The following BBS4 variants were observed in gnomAD, a reference collection of about 807,000 sequenced individuals.
BBS4 encodes BBSome complex member BBS4.
Under a neutral mutation model 71.4 loss-of-function variants are expected in BBS4, and 58 were observed. The observed-to-expected ratio is 0.81, with a 90% CI of 0.66 to 1.01. The LOEUF is 1.01. Among genes scored for constraint, BBS4 ranks in the 50% least tolerant of loss-of-function variants. The pLI is 0.00. For missense variants in BBS4, 660 were observed against 607.9 expected, an observed-to-expected ratio of 1.09 and a Z score of -0.90; for synonymous variants, 228 against 216.8, an observed-to-expected ratio of 1.05 and a Z score of -0.46.
intron 1 of BBS4, among the ~76,000 whole-genome samples, chr15:72,691,108 C>G (rs2064975522): frequency 6.6e-6 from 1 of 152,216 alleles, no homozygotes; most frequent in African/African-American, 2.4e-5. Context: ...CCTCAACCTC[C>G]CGAGTAGCTG....
chr15:72,724,711 T>A, intron 8 of BBS4, 56 bp downstream of exon 8: 1 of 1,601,768 alleles, frequency 6.2e-7, no homozygotes, highest in South Asian at 1.1e-5. Context: ...TGAGTGGATA[T>A]GTGAACTCCC....
intron 2 of BBS4, among the ~76,000 whole-genome samples, chr15:72,699,368 G>A (rs1372178494): frequency 6.6e-6 from 1 of 152,132 alleles, no homozygotes; most frequent in Non-Finnish European, 1.5e-5. Flanking sequence ...ACAGGTGTGA[G>A]CCACCGTGCT....
At position 72,695,189 on chromosome 15, in the gene BBS4, C is replaced by T. The variant is rs151164191; in HGVS notation, c.37C>T (p.Pro13Ser). 9.8e-4 allele frequency: 1,572 copies of T among 1,606,756 alleles called. 6 individuals carry two copies. The highest frequency in any genetic ancestry group is 7.2e-4 in the Non-Finnish European group (847 of 1,173,662). ...EERVATRTQF[P>S]VSTESQKPRQ... ...TATTTCATTTCAGAGAACTCAATTT[C>T]CTGTATCTACTGAGTCTCAAAAACC... The change falls in exon 2 of 16, where the codon CCT becomes TCT. Residue 13 changes from proline (P) to serine (S), a missense_variant. Coordinates refer to ENST00000268057, the MANE Select transcript of BBS4 (RefSeq NM_033028.5).
At chr15:72,696,386 T>G (rs772218866) in intron 2 of BBS4, among the ~76,000 whole-genome samples, 3 of 151,564 alleles carry the variant, frequency 2.0e-5, no homozygotes, top group Non-Finnish European at 4.4e-5. Flanking sequence ...AAAATTCCCT[T>G]TTTTTAGTAC....
chr15:72,704,479 C>T, intron 2 of BBS4: 1 of 1,280,258 alleles, frequency 7.8e-7, no homozygotes, highest in Non-Finnish European at 1.0e-6. Flanking sequence ...TATATATTTA[C>T]AGGTAAAATT....
intron 6 of BBS4, among the ~76,000 whole-genome samples, chr15:72,722,449 G>A (rs1033575393): frequency 3.9e-5 from 6 of 152,226 alleles, no homozygotes; most frequent in African/African-American, 1.4e-4. Flanking sequence ...GGGGCTGTGG[G>A]TAGTCTCTCC....
Position 72,737,504 on chromosome 15 carries a change from A to C in BBS4, c.1477A>C (p.Lys493Gln). ...SGAGGTSQFTKPPSLPLEPEP... is the reference protein window; with the variant it reads ...SGAGGTSQFTQPPSLPLEPEP... ...TGCTGGAGGAACATCCCAGTTCACA[A>C]AGCCCCCATCTCTTCCTCTGGAGCC... is the stretch of plus-strand genomic sequence containing the variant. Residue 493 changes from lysine to glutamine, a missense_variant, in exon 16 of 16, where the codon AAG becomes CAG. Transcript: ENST00000268057. The C allele has an allele frequency of 1.2e-6, 2 of 1,613,092 alleles. No individual in the cohort carries two copies. Among genetic ancestry groups the C allele is most frequent in the Non-Finnish European group, 1.7e-6 (2 of 1,179,610 alleles).
intron 1 of BBS4, among the ~76,000 whole-genome samples, chr15:72,689,402 A>C (rs933011355): frequency 2.6e-5 from 4 of 152,226 alleles, no homozygotes; most frequent in Non-Finnish European, 5.9e-5. Context: ...CTGAGGACTA[A>C]TATTTGTATT....
intron 4 of BBS4, 50 bp from the exon 5 acceptor site, chr15:72,715,241 C>A: frequency 7.0e-7 from 1 of 1,429,870 alleles, no homozygotes. Context: ...AGGCTCCATT[C>A]TTCCCAGAAC....
rs2065813022 is a variant in BBS4 at position 72,731,194 on chromosome 15, T to C, written c.712-111T>C. 4 of 1,343,214 alleles carry C rather than the reference T, an allele frequency of 3.0e-6. No individual in the cohort carries two copies. In the South Asian group the frequency reaches 4.8e-5, roughly 16 times the overall value. 83.2% of individuals were successfully genotyped at this position (1,343,214 alleles called of 1,614,324 possible). The stretch of plus-strand genomic sequence containing the variant: ...ATATTTATGTCCCTGGAAGAAATTT[T>C]CCAGTCCCATCTATGCTGATGGGCC... On this transcript the variant is annotated intron_variant, in intron 10 of 15. Coordinates refer to ENST00000268057, the MANE Select transcript of BBS4 (RefSeq NM_033028.5).
chr15:72,727,217 A>G (rs529689424), intron 8 of BBS4, among the ~76,000 whole-genome samples: 2 of 152,312 alleles, frequency 1.3e-5, no homozygotes, highest in African/African-American at 4.8e-5. Context: ...GAAGCAGAAG[A>G]CATTGTTCAT....
intron 1 of BBS4, among the ~76,000 whole-genome samples, chr15:72,690,113 A>AT (rs1567394271): frequency 6.6e-6 from 1 of 151,896 alleles, no homozygotes; most frequent in African/African-American, 2.4e-5. Flanking sequence ...CAGCCTATAA[A>AT]TTTTTTTTAT....
intron 2 of BBS4, among the ~76,000 whole-genome samples, chr15:72,705,587 CTTTTTTTTTT>C (rs762708438): frequency 1.2e-5 from 1 of 86,862 alleles, no homozygotes; most frequent in African/African-American, 4.6e-5. Flanking sequence ...ATGGCTTGTC[CTTTTTTTTTT>C]TTTTTTTTTT....
At chr15:72,722,983 T>G (rs1324477452) in intron 7 of BBS4, 136 bp downstream of exon 7, 5 of 733,006 alleles carry the variant, frequency 6.8e-6, no homozygotes, top group Non-Finnish European at 1.2e-5. Context: ...TTATACATTT[T>G]TTTCTGTTTT....
At chr15:72,715,269 TG>T in intron 4 of BBS4, 21 bp from the exon 5 acceptor site, 1 of 1,572,470 alleles carries the variant, frequency 6.4e-7, no homozygotes, top group Non-Finnish European at 8.7e-7. Flanking sequence ...TACTTTTTTT[TG>T]TATTTTCTGT....
chr15:72,709,504 A>G (rs2065326780), intron 2 of BBS4, among the ~76,000 whole-genome samples, 196 bp from the exon 3 acceptor site: 1 of 152,224 alleles, frequency 6.6e-6, no homozygotes, highest in Non-Finnish European at 1.5e-5. Context: ...TGTATTCAAC[A>G]TGTAGTAGTA....
intron 6 of BBS4, among the ~76,000 whole-genome samples, chr15:72,719,834 C>G (rs1019302989): frequency 2.7e-5 from 4 of 150,024 alleles, no homozygotes; most frequent in Non-Finnish European, 4.4e-5. Flanking sequence ...ACTGCAACCT[C>G]TGCCTCCTGG....
At chr15:72,701,824 A>T (rs2065174418) in intron 2 of BBS4, among the ~76,000 whole-genome samples, 1 of 152,148 alleles carries the variant, frequency 6.6e-6, no homozygotes, top group Non-Finnish European at 1.5e-5. Flanking sequence ...AAAAAAAATA[A>T]TAGAAAAGCT....
At chr15:72,693,703 C>T (rs1445413080) in intron 1 of BBS4, among the ~76,000 whole-genome samples, 1 of 152,022 alleles carries the variant, frequency 6.6e-6, no homozygotes, top group Non-Finnish European at 1.5e-5. Context: ...AGCTTGTAGA[C>T]CAAATAAACA....
Sources: gnomAD v4.1 joint callset for allele counts (sites outside exome capture counted in the v4.1 genomes callset) on GRCh38, gnomAD v4.1.1 for gene constraint, MANE v1.5 for transcripts, NCBI Gene and HGNC (gene_info 2026-07-23, HGNC 2026-07-21) for gene names.